Variants in DNA2 observed in about 807,000 individuals in gnomAD.
DNA2 encodes the protein DNA replication helicase/nuclease 2, also known as DNA replication ATP-dependent helicase/nuclease DNA2.
Under a neutral mutation model 119.1 loss-of-function variants are expected in DNA2, and 101 were observed. The ratio of observed to expected loss-of-function variants is 0.85; its 90% CI spans 0.72 to 1.00. The LOEUF is 1.00. Ranked by LOEUF, DNA2 falls within the 50% of genes least tolerant of loss-of-function variation. The probability of loss-of-function intolerance (pLI) is 0.00; values close to 1 mark genes in which losing one functional copy is unlikely to be tolerated. For missense variants in DNA2, 1,121 were observed against 1,255.5 expected, an observed-to-expected ratio of 0.89 and a Z score of 1.62; for synonymous variants, 366 against 424.4, an observed-to-expected ratio of 0.86 and a Z score of 1.69.
intron 3 of DNA2, among the ~76,000 whole-genome samples, chr10:68,466,958 G>T (rs1456488576): frequency 6.6e-6 from 1 of 152,160 alleles, no homozygotes; most frequent in East Asian, 1.9e-4. Context: ...GGAGGCTGAG[G>T]TGGCCTGGGA....
chr10:68,451,927 T>C (rs1201138122), intron 5 of DNA2, among the ~76,000 whole-genome samples: 3 of 150,602 alleles, frequency 2.0e-5, no homozygotes, highest in Non-Finnish European at 4.4e-5. Flanking sequence ...GAATATTTTC[T>C]AAGAAAAAAA....
Position 68,422,302 on chromosome 10 carries a change from C to G in DNA2, c.2620G>C (p.Ala874Pro). 1 of 1,613,784 alleles carries G rather than the reference C, an allele frequency of 6.2e-7. No individual in the cohort carries two copies. Among genetic ancestry groups the G allele is most frequent in the Non-Finnish European group, 8.5e-7 (1 of 1,179,832 alleles). The change falls in exon 17 of 21, where the codon GCT (alanine) becomes CCT (proline). Residue 874 changes from alanine to proline, a missense_variant. By Grantham distance (27) the Ala-to-Pro change is conservative. Coordinates refer to ENST00000358410, the MANE Select transcript of DNA2 (RefSeq NM_001080449.3). Reference sequence around the variant, plus strand: ...AACCAAGGATTATCAGAATAGTCAGCATAAAATTCCAGTTCCAGCTTCACA... The same window carrying G: ...AACCAAGGATTATCAGAATAGTCAGGATAAAATTCCAGTTCCAGCTTCACA... Reference protein sequence around the residue: ...KDVKLELEFYADYSDNPWLMG... With the variant: ...KDVKLELEFYPDYSDNPWLMG...
At chr10:68,456,420 AT>A (rs1359284417) in intron 5 of DNA2, among the ~76,000 whole-genome samples, 1 of 152,038 alleles carries the variant, frequency 6.6e-6, no homozygotes, top group Non-Finnish European at 1.5e-5. Context: ...ATCTTAAAGC[AT>A]TTTTGTTTTT....
chr10:68,415,152 C>A, intron 20 of DNA2, 45 bp from the exon 21 acceptor site: 1 of 1,194,006 alleles, frequency 8.4e-7, no homozygotes, highest in Admixed American at 2.2e-5. Flanking sequence ...TATGGAATGG[C>A]ATAAATTTAT....
In DNA2 at chr10:68,471,972, A is replaced by G. The variant is rs2052388337; in HGVS notation, c.-108T>C. The G allele has an allele frequency of 1.2e-6, 2 of 1,611,976 alleles. No individual in the cohort carries two copies. The highest frequency in any genetic ancestry group is 2.7e-5 in the African/African-American group (2 of 74,904). On this transcript the variant is annotated 5_prime_UTR_variant, in exon 1 of 21. It removes an upstream start codon present in the reference 5' UTR. Transcript: ENST00000358410. ...GCGCGAGCCTGCGCACCTCGCGCGC[A>G]TGCGCCAACCCGCAGATGTCCCAAA...
At chr10:68,461,236 G>A (rs1180804760) in intron 4 of DNA2, among the ~76,000 whole-genome samples, 3 of 152,082 alleles carry the variant, frequency 2.0e-5, no homozygotes, top group South Asian at 2.1e-4. Context: ...AAATTATGTC[G>A]TAACAATATG....
chr10:68,428,916 T>C (rs1318599026), intron 14 of DNA2, among the ~76,000 whole-genome samples: 2 of 152,116 alleles, frequency 1.3e-5, no homozygotes, highest in Non-Finnish European at 2.9e-5. Context: ...GGTGTGACAT[T>C]GTACTACAGA....
chr10:68,459,356 A>C (rs2052226754), intron 4 of DNA2, 121 bp from the exon 5 acceptor site: 2 of 1,020,990 alleles, frequency 2.0e-6, no homozygotes, highest in East Asian at 5.4e-5. Flanking sequence ...ACATATAAGC[A>C]ACCCAACTGT....
Position 68,422,775 on chromosome 10 carries a change from G to A in DNA2, c.2324C>T (p.Pro775Leu). The A allele has an allele frequency of 6.2e-7, 1 of 1,609,778 alleles. No homozygotes were observed. Among genetic ancestry groups the A allele is most frequent in the Non-Finnish European group, 8.5e-7 (1 of 1,179,000 alleles). ...CACAAATCTCCGTGAAAAAAAAAGG[G>A]GGCCCAGACAAATTGGTTGGCTAAT... Reference protein sequence around the residue: ...SQISQPICLGPLFFSRRFVLV... With the variant: ...SQISQPICLGLLFFSRRFVLV... Residue 775 changes from proline to leucine, a missense_variant, in exon 15 of 21, where the codon CCC (proline) becomes CTC (leucine). Coordinates refer to ENST00000358410, the MANE Select transcript of DNA2 (RefSeq NM_001080449.3).
Position 68,414,979 on chromosome 10 carries a change from G to A in DNA2, c.*60C>T, listed in dbSNP as rs752248287. On this transcript the variant is annotated 3_prime_UTR_variant, in exon 21 of 21. Transcript: ENST00000358410. ...ATTTTGTATGGTGATAGAATTTTCT[G>A]TATGGGCACTAGCTAGAGGAGATAC... The A allele has an allele frequency of 1.4e-5, 15 of 1,044,576 alleles. No individual in the cohort carries two copies. Among genetic ancestry groups the A allele is most frequent in the Non-Finnish European group, 1.8e-5 (13 of 711,800 alleles). The allele number at this position is 1,044,576 out of a possible 1,614,324, so 64.7% of individuals were successfully genotyped here.
chr10:68,426,259 C>A (rs1209434499), intron 14 of DNA2, among the ~76,000 whole-genome samples: 3 of 152,032 alleles, frequency 2.0e-5, no homozygotes, highest in African/African-American at 7.3e-5. Flanking sequence ...CTTTTGCAGC[C>A]GGGCACAGTG....
chr10:68,421,683 G>A (rs931528059), intron 17 of DNA2, among the ~76,000 whole-genome samples: 3 of 152,014 alleles, frequency 2.0e-5, no homozygotes, highest in Non-Finnish European at 4.4e-5. Flanking sequence ...AATCTGGGAG[G>A]AGGAAGTTGC....
chr10:68,471,866 C>T lies in DNA2; in HGVS notation c.-2G>A, dbSNP rs747007732. 9.9e-6 allele frequency: 16 copies of T among 1,613,958 alleles called. No homozygotes were observed. The highest frequency in any genetic ancestry group is 1.4e-5 in the Non-Finnish European group (16 of 1,179,826). ...CTCCAGTTCGTTCAGCTGCTCCATC[C>T]TGGACGCGGGGATCGCAAACTGTAG... On this transcript the variant is annotated 5_prime_UTR_variant, in exon 1 of 21. Coordinates refer to ENST00000358410, the MANE Select transcript of DNA2 (RefSeq NM_001080449.3).
At chr10:68,466,680 G>C (rs941300326) in intron 3 of DNA2, among the ~76,000 whole-genome samples, 2 of 150,804 alleles carry the variant, frequency 1.3e-5, no homozygotes, top group Non-Finnish European at 1.5e-5. Context: ...CCAGGTTCAC[G>C]CCATTCTCCT....
At chr10:68,434,941 C>T (rs1380207061) in intron 10 of DNA2, among the ~76,000 whole-genome samples, 3 of 152,152 alleles carry the variant, frequency 2.0e-5, no homozygotes, top group Admixed American at 6.5e-5. Context: ...AAGAAATGGT[C>T]GGGCATGCCC....
At chr10:68,431,326 A>G (rs2051818354) in intron 13 of DNA2, among the ~76,000 whole-genome samples, 1 of 151,322 alleles carries the variant, frequency 6.6e-6, no homozygotes, top group Admixed American at 6.6e-5. Flanking sequence ...CTTGTTGTCC[A>G]GATTGGAATG....
At chr10:68,472,043 G>T, upstream of DNA2, 1 of 1,604,056 alleles carries the variant, frequency 6.2e-7, no homozygotes. Context: ...GTTCCACGTG[G>T]GGCCCCTCAC....
intron 14 of DNA2, among the ~76,000 whole-genome samples, chr10:68,423,856 C>G (rs1361691420): frequency 6.6e-6 from 1 of 152,210 alleles, no homozygotes; most frequent in Non-Finnish European, 1.5e-5. Flanking sequence ...CACTTCGACT[C>G]CCACCTGGCA....
chr10:68,453,043 A>C (rs2133419995), intron 5 of DNA2, among the ~76,000 whole-genome samples: 1 of 151,688 alleles, frequency 6.6e-6, no homozygotes, highest in East Asian at 1.9e-4. Flanking sequence ...TGGGATTACA[A>C]GCGTGCACCA....
Sources: gnomAD v4.1 joint callset for allele counts (sites outside exome capture counted in the v4.1 genomes callset) on GRCh38, gnomAD v4.1.1 for gene constraint, MANE v1.5 for transcripts, NCBI Gene and HGNC (gene_info 2026-07-23, HGNC 2026-07-21) for gene names.